Variants in DIS3L2 observed in about 807,000 individuals in gnomAD.
DIS3L2 encodes DIS3-like exonuclease 2.
In DIS3L2, 34 loss-of-function variants were observed where a neutral mutation model predicts 97.5. The ratio of observed to expected loss-of-function variants is 0.35; its 90% CI spans 0.27 to 0.46. DIS3L2 has a LOEUF of 0.46. DIS3L2 is among the 20% of genes least tolerant of loss of function. The pLI is 1.00. For missense variants in DIS3L2, 1,038 were observed against 1,146.0 expected, an observed-to-expected ratio of 0.91 and a Z score of 1.36; for synonymous variants, 435 against 445.2, an observed-to-expected ratio of 0.98 and a Z score of 0.29.
At chr2:232,319,384 G>A (rs948352292) in intron 14 of DIS3L2, among the ~76,000 whole-genome samples, 2 of 152,220 alleles carry the variant, frequency 1.3e-5, no homozygotes, top group East Asian at 1.9e-4. Flanking sequence ...TGGCACATGA[G>A]GAACTGGGCT....
At chr2:232,059,793 G>A (rs1346162664) in intron 5 of DIS3L2, among the ~76,000 whole-genome samples, 1 of 152,108 alleles carries the variant, frequency 6.6e-6, no homozygotes, top group Non-Finnish European at 1.5e-5. Flanking sequence ...TTCATTCATG[G>A]TGCTGGAAAG....
intron 8 of DIS3L2, among the ~76,000 whole-genome samples, chr2:232,155,599 A>G (rs1690467714): frequency 6.6e-6 from 1 of 151,974 alleles, no homozygotes; most frequent in Non-Finnish European, 1.5e-5. Context: ...TTTATTTCAG[A>G]AAAGTTTTCT....
chr2:231,981,840 C>G (rs964721955), intron 1 of DIS3L2, among the ~76,000 whole-genome samples: 2 of 150,520 alleles, frequency 1.3e-5, no homozygotes, highest in Non-Finnish European at 3.0e-5. Flanking sequence ...TCAAGACCAG[C>G]CTGGGCAACA....
rs1418053471 is a variant in DIS3L2 at position 232,333,887 on chromosome 2, C to G, written c.2058C>G (p.Phe686Leu). The G allele has an allele frequency of 6.8e-6, 11 of 1,612,780 alleles. No homozygotes were observed. The highest frequency in any genetic ancestry group is 8.5e-6 in the Non-Finnish European group (10 of 1,179,918). Residue 686 changes from phenylalanine (F) to leucine (L), a missense_variant, in exon 17 of 21, where the codon TTC becomes TTG. Transcript: ENST00000325385. Reference protein sequence around the residue: ...CSGLLQDPAQFRHYALNVPLY... With the variant: ...CSGLLQDPAQLRHYALNVPLY... ...GGCTGCTGCAGGACCCAGCGCAGTT[C>G]CGGCACTACGCGCTCAATGTGCCCC...
chr2:231,969,280 A>G (rs1692821537), intron 1 of DIS3L2, among the ~76,000 whole-genome samples: 1 of 150,886 alleles, frequency 6.6e-6, no homozygotes, highest in African/African-American at 2.4e-5. Flanking sequence ...AATCTGGCTA[A>G]GCTCACTTAG....
At chr2:232,028,760 C>T (rs1694727486) in intron 4 of DIS3L2, among the ~76,000 whole-genome samples, 1 of 152,128 alleles carries the variant, frequency 6.6e-6, no homozygotes, top group Non-Finnish European at 1.5e-5. Context: ...TACTGGCTGT[C>T]TCTTCCACAT....
intron 1 of DIS3L2, among the ~76,000 whole-genome samples, chr2:232,004,835 G>C (rs967326261): frequency 1.3e-5 from 2 of 152,226 alleles, no homozygotes; most frequent in African/African-American, 4.8e-5. Flanking sequence ...GCCTGTTTTA[G>C]TCTCCCAAAG....
At chr2:232,227,136 C>CT (rs1692672138) in intron 10 of DIS3L2, among the ~76,000 whole-genome samples, 1 of 152,302 alleles carries the variant, frequency 6.6e-6, no homozygotes, top group East Asian at 1.9e-4. Context: ...AAAGGAATTA[C>CT]TTTCAGTCAT....
chr2:232,010,385 T>C (rs1266726116), intron 1 of DIS3L2, among the ~76,000 whole-genome samples: 9 of 152,168 alleles, frequency 5.9e-5, no homozygotes, highest in Non-Finnish European at 1.0e-4. Flanking sequence ...GAAGTAGGGA[T>C]GTATTGGTTA....
chr2:232,319,142 G>A (rs559259119), intron 14 of DIS3L2, among the ~76,000 whole-genome samples: 39 of 152,268 alleles, frequency 2.6e-4, no homozygotes, highest in Admixed American at 8.5e-4. Flanking sequence ...AGTGTCTTGT[G>A]TGGTTGGCAC....
chr2:232,316,258 T>C (rs1695273133), intron 14 of DIS3L2, among the ~76,000 whole-genome samples: 1 of 152,138 alleles, frequency 6.6e-6, no homozygotes, highest in East Asian at 1.9e-4. Context: ...AAGGAGTCAT[T>C]CTACAGAGAG....
Position 232,087,576 on chromosome 2 carries a change from A to G in DIS3L2, c.456A>G (p.Gln152=), listed in dbSNP as rs11887184. 132,003 of 1,613,826 alleles carry G rather than the reference A, an allele frequency of 0.082. 6,444 individuals are homozygous for G. Among genetic ancestry groups the G allele is most frequent in the African/African-American group, 0.19 (14,237 of 74,920 alleles). Residue 152 remains glutamine, a synonymous_variant, in exon 6 of 21, where the codon CAA becomes CAG. Coordinates refer to ENST00000325385, the MANE Select transcript of DIS3L2 (RefSeq NM_152383.5). The stretch of plus-strand genomic sequence containing the variant: ...AGCTCTGTGGACACCATCTCCCGCA[A>G]CAGTCCCTGAAAAGCTATAATGACA... ...PEELCGHHLP[Q]QSLKSYNDSP...
At position 232,186,890 on chromosome 2, in the gene DIS3L2, A is replaced by G. The variant is rs145055386; in HGVS notation, c.1124+23258A>G. Among the ~76,000 whole-genome samples, 382 of 152,340 alleles carry G rather than the reference A, an allele frequency of 2.5e-3. 5 individuals carry two copies. The highest frequency in any genetic ancestry group is 0.021 in the Admixed American group (317 of 15,298). On this transcript the variant is annotated intron_variant, in intron 9 of 20. Coordinates refer to ENST00000325385, the MANE Select transcript of DIS3L2 (RefSeq NM_152383.5). ...AGGAGAAAACAAAAGAGTAAACCTT[A>G]GTGACCTTGGATTGGCCAAGGAAGA...
At chr2:232,252,873 C>T (rs1693455328) in intron 12 of DIS3L2, among the ~76,000 whole-genome samples, 1 of 152,166 alleles carries the variant, frequency 6.6e-6, no homozygotes, top group Admixed American at 6.5e-5. Context: ...GCAATCCCAG[C>T]ACTTTGGGAG....
chr2:232,066,611 C>T (rs1365955688), intron 5 of DIS3L2, among the ~76,000 whole-genome samples: 2 of 151,790 alleles, frequency 1.3e-5, no homozygotes, highest in Admixed American at 6.6e-5. Flanking sequence ...TTTCCTCTTC[C>T]CCTATATTTT....
intron 9 of DIS3L2, among the ~76,000 whole-genome samples, chr2:232,184,867 C>T (rs1691393588): frequency 6.6e-6 from 1 of 152,176 alleles, no homozygotes; most frequent in South Asian, 2.1e-4. Flanking sequence ...TTTCCTCAGT[C>T]TTGCTCTGTC....
intron 1 of DIS3L2, among the ~76,000 whole-genome samples, chr2:231,978,187 A>G (rs1281196628): frequency 6.6e-6 from 1 of 152,232 alleles, no homozygotes; most frequent in African/African-American, 2.4e-5. Context: ...AAATATGTGT[A>G]AGGTATATAG....
At chr2:232,048,548 C>T (rs1052124666) in intron 5 of DIS3L2, among the ~76,000 whole-genome samples, 2 of 152,118 alleles carry the variant, frequency 1.3e-5, no homozygotes, top group East Asian at 1.9e-4. Context: ...CTGGCTAACA[C>T]GGTGAAACCT....
intron 14 of DIS3L2, among the ~76,000 whole-genome samples, chr2:232,315,162 G>A (rs1466063671): frequency 4.6e-5 from 7 of 152,174 alleles, no homozygotes; most frequent in Non-Finnish European, 2.9e-5. Context: ...CCTGTTTGAT[G>A]AACAGGGACA....
Sources: gnomAD v4.1 joint callset for allele counts (sites outside exome capture counted in the v4.1 genomes callset) on GRCh38, gnomAD v4.1.1 for gene constraint, MANE v1.5 for transcripts, NCBI Gene and HGNC (gene_info 2026-07-23, HGNC 2026-07-21) for gene names.